WNT5A: variants seen among roughly 807,000 people sequenced by gnomAD.
The protein encoded by WNT5A is protein Wnt-5a.
In WNT5A, 9 loss-of-function variants were observed where a neutral mutation model predicts 42.1. That is an observed-to-expected ratio of 0.21 (90% CI 0.13 to 0.37). The LOEUF (loss-of-function observed/expected upper bound fraction) is 0.37, where lower values mean the gene tolerates loss of function less well. Among genes scored for constraint, WNT5A ranks in the 10% least tolerant of loss-of-function variants. The probability of loss-of-function intolerance (pLI) is 1.00; values close to 1 mark genes in which losing one functional copy is unlikely to be tolerated. For synonymous variants in WNT5A, 210 were observed against 210.0 expected (o/e 1.00, Z 0.00); for missense variants, 426 against 534.0 (o/e 0.80, Z 1.99).
At chr3:55,486,949 G>C (rs1158415634) in intron 1 of WNT5A, 31 bp downstream of exon 1, 3 of 1,586,770 alleles carry the variant, frequency 1.9e-6, no homozygotes, top group South Asian at 2.2e-5. Context: ...GGGAAGTAAA[G>C]AAAAAAAGTG....
intron 1 of WNT5A, among the ~76,000 whole-genome samples, chr3:55,485,343 C>T (rs1218409264): frequency 1.3e-5 from 2 of 152,030 alleles, no homozygotes; most frequent in African/African-American, 2.4e-5. Context: ...GTGCTAACCC[C>T]TTGAGCACCG....
intron 3 of WNT5A, among the ~76,000 whole-genome samples, chr3:55,474,996 C>T (rs1559554424): frequency 1.3e-5 from 2 of 151,760 alleles, no homozygotes; most frequent in Non-Finnish European, 2.9e-5. Context: ...TTAACACGCA[C>T]CAGGCCCTGG....
At chr3:55,494,911 T>C (rs1466218057), upstream of WNT5A, among the ~76,000 whole-genome samples, 3 of 152,166 alleles carry the variant, frequency 2.0e-5, no homozygotes, top group Non-Finnish European at 4.4e-5. Context: ...ACAGTCCTCC[T>C]TTCATGGCCA....
chr3:55,466,142 C>T lies in WNT5A; in HGVS notation c.*3950G>A, dbSNP rs888335581. Reference sequence around the variant, plus strand: ...CTTTCAAAACACGGCATCTCTCTTTCACCATTCCACAGAGAGAGAAAAGAC... The same window carrying T: ...CTTTCAAAACACGGCATCTCTCTTTTACCATTCCACAGAGAGAGAAAAGAC... On this transcript the variant is annotated 3_prime_UTR_variant, in exon 5 of 5. Coordinates refer to ENST00000264634, the MANE Select transcript of WNT5A (RefSeq NM_003392.7). 6.6e-6 allele frequency: 1 copy of T among 152,092 alleles called. No individual in the cohort carries two copies. Among genetic ancestry groups the T allele is most frequent in the African/African-American group, 2.4e-5 (1 of 41,408 alleles). 9.4% of individuals were successfully genotyped at this position (152,092 alleles called of 1,614,324 possible).
intron 4 of WNT5A, among the ~76,000 whole-genome samples, 169 bp from the exon 5 acceptor site, chr3:55,470,719 A>C (rs1480484013): frequency 6.6e-6 from 1 of 152,222 alleles, no homozygotes; most frequent in Admixed American, 6.5e-5. Flanking sequence ...CTTCTTTAAA[A>C]ATTCTTCCAA....
chr3:55,484,430 T>C (rs1219974939), intron 1 of WNT5A, among the ~76,000 whole-genome samples: 1 of 152,092 alleles, frequency 6.6e-6, no homozygotes, highest in Non-Finnish European at 1.5e-5. Flanking sequence ...GCGCAAGGGT[T>C]GTGTCCACAG....
upstream of WNT5A, chr3:55,487,765 C>T (rs2051604399): frequency 6.6e-6 from 1 of 152,294 alleles, no homozygotes; most frequent in Admixed American, 6.5e-5. Flanking sequence ...TGAAAACGCA[C>T]AAGTCGCCAT....
At chr3:55,470,615 C>T in intron 4 of WNT5A, 65 bp from the exon 5 acceptor site, 1 of 1,392,636 alleles carries the variant, frequency 7.2e-7, no homozygotes, top group Non-Finnish European at 9.5e-7. Context: ...GCTATAGGAA[C>T]AAAGTTCTCC....
rs781037217 is a variant in WNT5A at position 55,469,883 on chromosome 3, T to C, written c.*209A>G. Reference sequence around the variant, plus strand: ...AAGATCCACAAAATAAATATTTTTCTTGGTTCCCACCCCCATTATTGCCAA... The same window carrying C: ...AAGATCCACAAAATAAATATTTTTCCTGGTTCCCACCCCCATTATTGCCAA... On this transcript the variant is annotated 3_prime_UTR_variant, in exon 5 of 5. Coordinates refer to ENST00000264634, the MANE Select transcript of WNT5A (RefSeq NM_003392.7). The C allele has an allele frequency of 8.5e-5, 44 of 519,200 alleles. No homozygotes were observed. The highest frequency in any genetic ancestry group is 9.6e-5 in the Non-Finnish European group (29 of 300,680). The allele number at this position is 519,200 out of a possible 1,614,324, so 32.2% of individuals were successfully genotyped here.
rs946840827 is a variant in WNT5A at position 55,470,273 on chromosome 3, T to C, written c.962A>G (p.Gln321Arg). 12 of 1,613,872 alleles carry C rather than the reference T, an allele frequency of 7.4e-6. No homozygotes were observed. The highest frequency in any genetic ancestry group is 1.0e-5 in the Non-Finnish European group (12 of 1,179,920). The change falls in exon 5 of 5, where the codon CAG (glutamine) becomes CGG (arginine). Residue 321 changes from glutamine (Q) to arginine (R), a missense_variant. By Grantham distance (43) the Gln-to-Arg change is conservative. Transcript: ENST00000264634. ...RNESTGSLGTQGRLCNKTSEG... is the reference protein window; with the variant it reads ...RNESTGSLGTRGRLCNKTSEG... ...CGACGTCTTGTTGCACAGGCGGCCCTGCGTGCCCAGCGAGCCGGTGCTCTC... is the reference window on the plus strand; with the variant it reads ...CGACGTCTTGTTGCACAGGCGGCCCCGCGTGCCCAGCGAGCCGGTGCTCTC...
the WNT5A span, among the ~76,000 whole-genome samples, chr3:55,496,622 C>T: frequency 0.034 from 5,157 of 152,268 alleles, 269 homozygotes; most frequent in African/African-American, 0.12. Flanking sequence ...TGATCCTCCC[C>T]CTGTGGCCCT....
intron 1 of WNT5A, among the ~76,000 whole-genome samples, chr3:55,485,362 GGGGGAGGGGAGGAGAAGACA>G (rs998426568): frequency 6.6e-6 from 1 of 151,902 alleles, no homozygotes; most frequent in African/African-American, 2.4e-5. Context: ...CGGAGCGCAC[GGGGGAGGGGAGGAGAAGACA>G]GGGGACTCTT....
rs559381658 is a variant in WNT5A, at chr3:55,481,000, G to A, written c.7-82C>T. 10 of 1,302,974 alleles carry A rather than the reference G, an allele frequency of 7.7e-6. No homozygotes were observed. The African/African-American group carries it at 1.1e-4, about 14-fold the overall frequency. The allele number at this position is 1,302,974 out of a possible 1,614,324, so 80.7% of individuals were successfully genotyped here. ...ACAAGTTTAAACAACGGAAGCATCC[G>A]GGGTCTCTTAAGTTTACTGTTGATT... On this transcript the variant is annotated intron_variant, in intron 1 of 4. Coordinates refer to ENST00000264634, the MANE Select transcript of WNT5A (RefSeq NM_003392.7).
upstream of WNT5A, among the ~76,000 whole-genome samples, chr3:55,494,678 A>G (rs1335331977): frequency 1.3e-5 from 2 of 152,148 alleles, no homozygotes; most frequent in African/African-American, 4.8e-5. Flanking sequence ...AGCTGGGATT[A>G]AAGGCGCCTG....
Position 55,466,967 on chromosome 3 carries a change from A to G in WNT5A, c.*3125T>C, listed in dbSNP as rs745903896. ...AGAAAAAGCAAAGGCTAATGTATCA[A>G]TCTGTGGAGCACTGTCCAGATTTCC... is the stretch of plus-strand genomic sequence containing the variant. On this transcript the variant is annotated 3_prime_UTR_variant, in exon 5 of 5. Transcript: ENST00000264634. 3.9e-5 allele frequency: 6 copies of G among 152,286 alleles called. No individual in the cohort carries two copies. The highest frequency in any genetic ancestry group is 1.4e-4 in the African/African-American group (6 of 41,458). 9.4% of individuals were successfully genotyped at this position (152,286 alleles called of 1,614,324 possible).
chr3:55,500,942 G>C, the WNT5A span, among the ~76,000 whole-genome samples: 1 of 152,178 alleles, frequency 6.6e-6, no homozygotes, highest in Non-Finnish European at 1.5e-5. Flanking sequence ...AATCAAAAAA[G>C]AGGTAGAACG....
the WNT5A span, among the ~76,000 whole-genome samples, chr3:55,496,358 C>T: frequency 3.9e-4 from 59 of 152,284 alleles, no homozygotes; most frequent in African/African-American, 1.3e-3. Context: ...ATTCCCAGGG[C>T]AAAAGATCCC....
chr3:55,486,347 C>T (rs1347606871), intron 1 of WNT5A, among the ~76,000 whole-genome samples: 2 of 152,160 alleles, frequency 1.3e-5, no homozygotes, highest in Non-Finnish European at 2.9e-5. Context: ...CCCCGCTCCC[C>T]GCGCCGGGGT....
chr3:55,478,734 T>C (rs2051401649), intron 3 of WNT5A, among the ~76,000 whole-genome samples: 1 of 152,188 alleles, frequency 6.6e-6, no homozygotes, highest in Admixed American at 6.5e-5. Context: ...ATTATATCAA[T>C]TGCTGACATC....
Sources: gnomAD v4.1 joint callset for allele counts (sites outside exome capture counted in the v4.1 genomes callset) on GRCh38, gnomAD v4.1.1 for gene constraint, MANE v1.5 for transcripts, NCBI Gene and HGNC (gene_info 2026-07-23, HGNC 2026-07-21) for gene names.